Variants in ZNF329 observed in about 807,000 individuals in gnomAD.
ZNF329 encodes the protein zinc finger protein 329.
In ZNF329, 15 loss-of-function variants were observed where a neutral mutation model predicts 26.6. The ratio of observed to expected loss-of-function variants is 0.56; its 90% confidence interval spans 0.38 to 0.87. The LOEUF is 0.87. Among genes scored for constraint, ZNF329 ranks in the 40% least tolerant of loss-of-function variants. The probability of loss-of-function intolerance (pLI) is 0.00; values close to 1 mark genes in which losing one functional copy is unlikely to be tolerated. For missense variants in ZNF329, 651 were observed against 651.9 expected, an observed-to-expected ratio of 1.00 and a Z score of 0.02; for synonymous variants, 239 against 233.5, an observed-to-expected ratio of 1.02 and a Z score of -0.21.
intron 1 of ZNF329, among the ~76,000 whole-genome samples, chr19:58,149,596 G>A (rs1416163130): frequency 6.6e-6 from 1 of 152,142 alleles, no homozygotes; most frequent in Non-Finnish European, 1.5e-5. Context: ...TGGGTGAAGA[G>A]AGAGGTAAAC....
upstream of ZNF329, among the ~76,000 whole-genome samples, chr19:58,152,202 C>A (rs1361837701): frequency 6.6e-6 from 1 of 152,078 alleles, no homozygotes; most frequent in African/African-American, 2.4e-5. Context: ...ACATATTATT[C>A]CTGAATGGAA....
At chr19:58,133,128 G>A (rs1568662424) in intron 3 of ZNF329, among the ~76,000 whole-genome samples, 2 of 152,152 alleles carry the variant, frequency 1.3e-5, no homozygotes, top group East Asian at 3.8e-4. Flanking sequence ...TGGTCTTAAA[G>A]GCCAGCAGAG....
In ZNF329 at chr19:58,128,891, A is replaced by C; in HGVS notation, c.613T>G (p.Cys205Gly). The change falls in exon 4 of 4, where the codon TGT becomes GGT. Residue 205 changes from cysteine to glycine, a missense_variant. Coordinates refer to ENST00000598312, the MANE Select transcript of ZNF329 (RefSeq NM_024620.4). ...RNLPGEKQYR[C>G]TECGKCFKRN... is the part of the protein sequence containing the mutation. The stretch of plus-strand genomic sequence containing the variant: ...TTGAAGCATTTGCCACATTCAGTAC[A>C]TCTATATTGTTTCTCTCCAGGGAGA... 1 of 1,614,088 alleles carries C rather than the reference A, an allele frequency of 6.2e-7. No homozygotes were observed.
intron 3 of ZNF329, among the ~76,000 whole-genome samples, chr19:58,135,792 G>A (rs1402336543): frequency 2.6e-5 from 4 of 152,124 alleles, no homozygotes; most frequent in African/African-American, 4.8e-5. Context: ...TCTTGACTTC[G>A]AGGCAGCAAG....
At chr19:58,130,400 G>A (rs1353337999) in intron 3 of ZNF329, among the ~76,000 whole-genome samples, 1 of 151,892 alleles carries the variant, frequency 6.6e-6, no homozygotes, top group Non-Finnish European at 1.5e-5. Flanking sequence ...TCGGCCAGGC[G>A]CGGTGGTCAC....
rs560782232 is a variant in ZNF329, at chr19:58,144,139, T to A, written c.-207-941A>T. Among the ~76,000 whole-genome samples the A allele has an allele frequency of 2.6e-5, 4 of 152,110 alleles. No individual in the cohort carries two copies. The East Asian group carries it at 7.7e-4, about 29-fold the overall frequency. On this transcript the variant is annotated intron_variant, in intron 1 of 3. Transcript: ENST00000598312. Reference sequence around the variant, plus strand: ...CAAGAATATCTTTGAGTTATCAGAGTAGAAAAAAATTGTGGGTTTTTTTGT... The same window carrying A: ...CAAGAATATCTTTGAGTTATCAGAGAAGAAAAAAATTGTGGGTTTTTTTGT...
chr19:58,136,278 A>G (rs140230582), intron 3 of ZNF329, among the ~76,000 whole-genome samples: 13 of 152,122 alleles, frequency 8.5e-5, no homozygotes, highest in Middle Eastern at 6.8e-3. Context: ...CAACTACACA[A>G]TGATGAAAAC....
intron 3 of ZNF329, chr19:58,136,684 C>CAAAAAAAAAAA (rs56293356): frequency 2.3e-5 from 2 of 88,674 alleles, no homozygotes; most frequent in African/African-American, 1.0e-4. Context: ...AGACTGTCTC[C>CAAAAAAAAAAA]AAAAAAAAAA....
At chr19:58,135,667 G>A (rs533362824) in intron 3 of ZNF329, among the ~76,000 whole-genome samples, 3 of 152,244 alleles carry the variant, frequency 2.0e-5, no homozygotes, top group African/African-American at 7.2e-5. Flanking sequence ...TCACACAGCT[G>A]GATGAAAATC....
chr19:58,149,397 C>T (rs550664900), intron 1 of ZNF329, among the ~76,000 whole-genome samples: 7 of 152,164 alleles, frequency 4.6e-5, no homozygotes, highest in African/African-American at 1.7e-4. Flanking sequence ...ATATAAGAAC[C>T]CTCTGTTGGG....
At chr19:58,131,840 G>A (rs1056985677) in intron 3 of ZNF329, among the ~76,000 whole-genome samples, 6 of 151,956 alleles carry the variant, frequency 3.9e-5, no homozygotes, top group South Asian at 2.1e-4. Flanking sequence ...TGGCTGACAC[G>A]GTGAAACCCC....
upstream of ZNF329, chr19:58,154,644 T>TTC (rs1234457073): frequency 6.6e-6 from 1 of 152,328 alleles, no homozygotes; most frequent in Non-Finnish European, 1.5e-5. Context: ...CGTCCTTTTT[T>TTC]TCCTTCTGAG....
intron 1 of ZNF329, among the ~76,000 whole-genome samples, chr19:58,149,891 C>T (rs933990931): frequency 4.6e-5 from 7 of 152,116 alleles, no homozygotes; most frequent in African/African-American, 7.2e-5. Flanking sequence ...TCATGGTAAG[C>T]ATAGTGAGGT....
At chr19:58,150,172 C>G (rs79722622) in intron 1 of ZNF329, among the ~76,000 whole-genome samples, 5,672 of 152,264 alleles carry the variant, frequency 0.037, 369 homozygotes, top group African/African-American at 0.13. Context: ...TCACTAAACA[C>G]GTGCAAAAAT....
At chr19:58,148,162 A>G (rs2075368362) in intron 1 of ZNF329, among the ~76,000 whole-genome samples, 2 of 151,866 alleles carry the variant, frequency 1.3e-5, no homozygotes, top group Admixed American at 6.6e-5. Flanking sequence ...GCGGTGCAAG[A>G]TGTGCTTTGT....
rs1250284139 is a variant in ZNF329, at chr19:58,128,930, CATTAAGCG to C, written c.566_573del (p.Ser189Ter). 6.2e-7 allele frequency: 1 copy of C among 1,614,104 alleles called. No individual in the cohort carries two copies. The highest frequency in any genetic ancestry group is 8.5e-7 in the Non-Finnish European group (1 of 1,180,032). On this transcript the variant is annotated frameshift_variant, in exon 4 of 4. Transcript: ENST00000598312. LOFTEE classifies it high-confidence loss of function. ...TCTCCAGGGAGATTTCTCTGGTTTT[CATTAAGCG>C]ATGAGCTCAGAGTAAAGATGTTCTC...
chr19:58,144,397 T>TA (rs1460725285), intron 1 of ZNF329, among the ~76,000 whole-genome samples: 1,188 of 41,276 alleles, frequency 0.029, 5 homozygotes, highest in Middle Eastern at 0.091. Flanking sequence ...TATATATATA[T>TA]TTTTTTTTTG....
In ZNF329 at chr19:58,126,573, C is replaced by CA. The variant is rs1473915630; in HGVS notation, c.*1304dup. 4.6e-5 allele frequency: 7 copies of CA among 152,328 alleles called. No individual in the cohort carries two copies. The East Asian group carries it at 1.2e-3, about 25-fold the overall frequency. The allele number at this position is 152,328 out of a possible 1,614,324, so 9.4% of individuals were successfully genotyped here. A position where few individuals can be genotyped will look rare whatever the true frequency, so the allele number is the denominator to read the frequency against. ...TGGTGGGGTGATAACATAAACATAA[C>CA]AACTCAGTATTTTTGCTTCAACAAC... On this transcript the variant is annotated 3_prime_UTR_variant, in exon 4 of 4. Transcript: ENST00000598312.
chr19:58,128,619 G>C lies in ZNF329; in HGVS notation c.885C>G (p.Thr295=), dbSNP rs568094894. 1 of 1,609,866 alleles carries C rather than the reference G, an allele frequency of 6.2e-7. No individual in the cohort carries two copies. The highest frequency in any genetic ancestry group is 1.7e-5 in the Admixed American group (1 of 59,580). ...KPYECLECGK[T]FNRNSSLILH... Reference sequence around the variant, plus strand: ...AAATTAAGGATGAATTTCGGTTGAAGGTTTTTCCACACTCTAGGCATTCAT... The same window carrying C: ...AAATTAAGGATGAATTTCGGTTGAACGTTTTTCCACACTCTAGGCATTCAT... The change falls in exon 4 of 4, where the codon ACC becomes ACG. Residue 295 remains threonine, a synonymous_variant. Transcript: ENST00000598312.
Sources: gnomAD v4.1 joint callset for allele counts (sites outside exome capture counted in the v4.1 genomes callset) on GRCh38, gnomAD v4.1.1 for gene constraint, MANE v1.5 for transcripts, NCBI Gene and HGNC (gene_info 2026-07-23, HGNC 2026-07-21) for gene names.